TRIM24: variants seen among roughly 807,000 people sequenced by gnomAD.
TRIM24 encodes the protein transcription intermediary factor 1-alpha.
In TRIM24, 29 loss-of-function variants were observed where a neutral mutation model predicts 123.9. The observed-to-expected ratio is 0.23, with a 90% CI of 0.17 to 0.32. The LOEUF (loss-of-function observed/expected upper bound fraction) is 0.32. TRIM24 is among the 10% of genes least tolerant of loss of function. TRIM24 has a pLI of 1.00. For missense variants in TRIM24, 932 were observed against 1,295.3 expected (o/e 0.72, Z 4.31); for synonymous variants, 456 against 461.1 (o/e 0.99, Z 0.14).
Position 138,579,098 on chromosome 7 carries a change from C to A in TRIM24, c.2257-106C>A. 3.3e-6 allele frequency: 3 copies of A among 899,526 alleles called. No individual in the cohort carries two copies. In the South Asian group the frequency reaches 5.7e-5, roughly 17 times the overall value. The allele number at this position is 899,526 out of a possible 1,614,324, so 55.7% of individuals were successfully genotyped here. ...ACATATACCCTTCTCCTGAAGATTC[C>A]TTTGAAGCAGCCAGGTGCTCACCAG... On this transcript the variant is annotated intron_variant, in intron 14 of 18. Transcript: ENST00000343526.
intron 1 of TRIM24, among the ~76,000 whole-genome samples, chr7:138,485,173 A>G (rs1331932254): frequency 6.6e-6 from 1 of 152,032 alleles, no homozygotes; most frequent in African/African-American, 2.4e-5. Flanking sequence ...ATTTGGGAAT[A>G]TTTTACTATG....
intron 6 of TRIM24, among the ~76,000 whole-genome samples, chr7:138,534,114 T>G (rs1796812289): frequency 6.6e-6 from 1 of 152,204 alleles, no homozygotes; most frequent in African/African-American, 2.4e-5. Flanking sequence ...GTTTTCTTCT[T>G]TATTAGTCTT....
intron 1 of TRIM24, among the ~76,000 whole-genome samples, chr7:138,487,847 T>C (rs1795682730): frequency 1.3e-5 from 2 of 152,302 alleles, no homozygotes; most frequent in South Asian, 4.1e-4. Context: ...AGATTTATGA[T>C]GCTGGCCTCA....
intron 15 of TRIM24, among the ~76,000 whole-genome samples, chr7:138,580,040 G>A (rs905375461): frequency 6.6e-6 from 1 of 152,136 alleles, no homozygotes; most frequent in African/African-American, 2.4e-5. Context: ...CTTTTTGCCA[G>A]GCATCGAACT....
intron 2 of TRIM24, among the ~76,000 whole-genome samples, chr7:138,505,499 T>TGGG (rs869209144): frequency 1.4e-5 from 2 of 143,248 alleles, no homozygotes; most frequent in African/African-American, 2.7e-5. Flanking sequence ...ATTTGTTTTT[T>TGGG]GGGGGTGGTG....
chr7:138,510,904 C>T (rs1329855500), intron 2 of TRIM24, among the ~76,000 whole-genome samples: 1 of 152,174 alleles, frequency 6.6e-6, no homozygotes, highest in African/African-American at 2.4e-5. Flanking sequence ...AATCTATAAA[C>T]TTCTATCCCT....
intron 1 of TRIM24, among the ~76,000 whole-genome samples, chr7:138,486,657 T>C (rs909282720): frequency 6.6e-6 from 1 of 152,100 alleles, no homozygotes; most frequent in Non-Finnish European, 1.5e-5. Context: ...AGATGTCTGA[T>C]GTTATTTCTG....
intron 2 of TRIM24, among the ~76,000 whole-genome samples, chr7:138,511,450 A>G (rs967858997): frequency 6.6e-5 from 10 of 151,764 alleles, no homozygotes; most frequent in African/African-American, 2.2e-4. Flanking sequence ...ACAGATGTGC[A>G]GCTAATTTGT....
chr7:138,504,444 G>GTTTTTTTTTTT (rs1563036659), intron 2 of TRIM24, 36 bp downstream of exon 2: 1 of 603,602 alleles, frequency 1.7e-6, no homozygotes, highest in Admixed American at 3.7e-5. Flanking sequence ...TTGCCTGCCA[G>GTTTTTTTTTTT]CTCTTTTTTT....
intron 9 of TRIM24, among the ~76,000 whole-genome samples, chr7:138,563,998 C>G (rs1481335500): frequency 6.6e-6 from 1 of 152,182 alleles, no homozygotes; most frequent in Non-Finnish European, 1.5e-5. Context: ...CCTGGATTAC[C>G]CTCCAGCACT....
chr7:138,557,977 C>G (rs1174218694), intron 9 of TRIM24, among the ~76,000 whole-genome samples: 2 of 152,166 alleles, frequency 1.3e-5, no homozygotes, highest in Admixed American at 6.5e-5. Flanking sequence ...TTTCTAATTC[C>G]TATGGTTATG....
intron 1 of TRIM24, among the ~76,000 whole-genome samples, chr7:138,476,592 C>CA (rs60613094): frequency 0.039 from 4,153 of 107,666 alleles, 77 homozygotes; most frequent in African/African-American, 0.062. Context: ...GGCTCCGTCT[C>CA]AAAAAAAAAA....
intron 6 of TRIM24, among the ~76,000 whole-genome samples, chr7:138,532,016 T>C (rs1316042202): frequency 4.0e-5 from 6 of 151,874 alleles, no homozygotes; most frequent in Non-Finnish European, 8.8e-5. Context: ...TAAATGTCTT[T>C]AGAGAAGTGT....
rs931054196 is a variant in TRIM24, at chr7:138,588,049, A to G, written c.*3098A>G. 2 of 152,206 alleles carry G rather than the reference A, an allele frequency of 1.3e-5. No homozygotes were observed. Among genetic ancestry groups the G allele is most frequent in the African/African-American group, 4.8e-5 (2 of 41,456 alleles). The allele number at this position is 152,206 out of a possible 1,614,324, so 9.4% of individuals were successfully genotyped here. On this transcript the variant is annotated 3_prime_UTR_variant, in exon 19 of 19. Coordinates refer to ENST00000343526, the MANE Select transcript of TRIM24 (RefSeq NM_015905.3). Reference sequence around the variant, plus strand: ...CTAAAGAACTGGCTTTACTACTGCTATATTTTACTACCACATAGTAGTGTA... The same window carrying G: ...CTAAAGAACTGGCTTTACTACTGCTGTATTTTACTACCACATAGTAGTGTA...
chr7:138,585,911 C>A lies in TRIM24; in HGVS notation c.*960C>A, dbSNP rs1335668956. On this transcript the variant is annotated 3_prime_UTR_variant, in exon 19 of 19. Coordinates refer to ENST00000343526, the MANE Select transcript of TRIM24 (RefSeq NM_015905.3). ...AATATAAGTTCCTCTGAAAGGGACT[C>A]GTTTTTGTGGTTTTCATCTGTCTAT... The A allele has an allele frequency of 3.9e-6, 2 of 518,470 alleles. No homozygotes were observed. The highest frequency in any genetic ancestry group is 1.4e-5 in the South Asian group (1 of 71,548). The allele number at this position is 518,470 out of a possible 1,614,324, so 32.1% of individuals were successfully genotyped here.
intron 10 of TRIM24, among the ~76,000 whole-genome samples, chr7:138,569,996 G>A (rs1797620529): frequency 6.8e-6 from 1 of 146,708 alleles, no homozygotes; most frequent in African/African-American, 2.5e-5. Flanking sequence ...AGCCCAGGCT[G>A]GAGTGCACTG....
intron 1 of TRIM24, among the ~76,000 whole-genome samples, chr7:138,462,550 C>T (rs1181350086): frequency 6.6e-6 from 1 of 151,554 alleles, no homozygotes; most frequent in Admixed American, 6.6e-5. Flanking sequence ...CCGTGTTAGC[C>T]AGGATGGTCT....
chr7:138,564,897 C>T (rs1335131703), intron 9 of TRIM24, among the ~76,000 whole-genome samples: 1 of 152,152 alleles, frequency 6.6e-6, no homozygotes, highest in African/African-American at 2.4e-5. Flanking sequence ...CATTTCCTCC[C>T]AGTTACAGCG....
chr7:138,497,441 C>T (rs1030875503), intron 1 of TRIM24, among the ~76,000 whole-genome samples: 8 of 139,222 alleles, frequency 5.7e-5, no homozygotes, highest in Admixed American at 2.3e-4. Flanking sequence ...CGCTCTGTCT[C>T]CCAGGCTGGA....
Sources: allele counts gnomAD v4.1 joint callset (sites outside exome capture counted in the v4.1 genomes callset), GRCh38; gene constraint gnomAD v4.1.1; transcripts MANE v1.5; gene names NCBI Gene and HGNC (gene_info 2026-07-23, HGNC 2026-07-21).